The following FAM204A variants were observed in gnomAD, a reference collection of about 807,000 sequenced individuals.
FAM204A encodes the protein family with sequence similarity 204 member A.
FAM204A carries 16 observed loss-of-function variants against 35.4 expected under a neutral mutation model. The ratio of observed to expected loss-of-function variants is 0.45; its 90% CI spans 0.31 to 0.69. The LOEUF is 0.69. Among genes scored for constraint, FAM204A ranks in the 30% least tolerant of loss-of-function variants. FAM204A has a pLI of 0.07. For missense variants in FAM204A, 240 were observed against 265.7 expected, an observed-to-expected ratio of 0.90 and a Z score of 0.67; for synonymous variants, 76 against 86.9, an observed-to-expected ratio of 0.88 and a Z score of 0.70.
intron 6 of FAM204A, among the ~76,000 whole-genome samples, chr10:118,334,082 T>A (rs1846333150): frequency 6.6e-6 from 1 of 152,166 alleles, no homozygotes; most frequent in Admixed American, 6.5e-5. Flanking sequence ...AATAAGTGAG[T>A]TACTAATTCA....
chr10:118,328,911 T>C (rs1193006104), intron 6 of FAM204A, among the ~76,000 whole-genome samples: 2 of 152,212 alleles, frequency 1.3e-5, no homozygotes, highest in African/African-American at 4.8e-5. Context: ...TAATCTACTC[T>C]GTCCTGGAGC....
At chr10:118,333,851 C>A (rs566362496) in intron 6 of FAM204A, among the ~76,000 whole-genome samples, 1 of 152,028 alleles carries the variant, frequency 6.6e-6, no homozygotes, top group Non-Finnish European at 1.5e-5. Context: ...CAGTACCATG[C>A]AATGATGGAT....
At chr10:118,338,054 C>T (rs1226233497) in intron 2 of FAM204A, among the ~76,000 whole-genome samples, 1 of 152,144 alleles carries the variant, frequency 6.6e-6, no homozygotes, top group African/African-American at 2.4e-5. Flanking sequence ...AAAATGAGGG[C>T]AAATTACTAG....
intron 6 of FAM204A, chr10:118,326,460 A>C: frequency 2.1e-6 from 1 of 487,644 alleles, no homozygotes; most frequent in East Asian, 3.7e-5. Context: ...ACTAATAAAA[A>C]TAAGACGCAA....
At position 118,341,777 on chromosome 10, in the gene FAM204A, T is replaced by C. The variant is rs1482151754; in HGVS notation, c.-59A>G. On this transcript the variant is annotated 5_prime_UTR_variant, in exon 2 of 9. Transcript: ENST00000369183. ...GTCTAGAAAGGTACACCGTTCCTGC[T>C]TGGCTGCACAACCCGGAATTCTGCA... 2.0e-5 allele frequency: 3 copies of C among 152,200 alleles called. No individual in the cohort carries two copies. The highest frequency in any genetic ancestry group is 7.2e-5 in the African/African-American group (3 of 41,442). 9.4% of individuals were successfully genotyped at this position (152,200 alleles called of 1,614,324 possible).
chr10:118,314,023 G>A (rs1743331095), intron 7 of FAM204A, among the ~76,000 whole-genome samples: 1 of 152,124 alleles, frequency 6.6e-6, no homozygotes, highest in Non-Finnish European at 1.5e-5. Context: ...TAGTGCTCCA[G>A]CAATGCTAAG....
At chr10:118,327,731 G>A (rs1304593087) in intron 6 of FAM204A, among the ~76,000 whole-genome samples, 1 of 152,168 alleles carries the variant, frequency 6.6e-6, no homozygotes, top group Non-Finnish European at 1.5e-5. Context: ...GCCAATCCAT[G>A]AACTGTTTAT....
intron 2 of FAM204A, among the ~76,000 whole-genome samples, chr10:118,341,369 G>A (rs1846479664): frequency 6.6e-6 from 1 of 152,126 alleles, no homozygotes; most frequent in Non-Finnish European, 1.5e-5. Flanking sequence ...TTAACAATCT[G>A]AAGATTGTAA....
At chr10:118,331,758 T>C (rs1193066664) in intron 6 of FAM204A, among the ~76,000 whole-genome samples, 2 of 151,888 alleles carry the variant, frequency 1.3e-5, no homozygotes, top group African/African-American at 4.8e-5. Context: ...AGGCAATCTC[T>C]TCATAAAGAA....
At chr10:118,325,413 GTAGT>G (rs774509677) in intron 7 of FAM204A, among the ~76,000 whole-genome samples, 249 of 152,000 alleles carry the variant, frequency 1.6e-3, no homozygotes, top group Non-Finnish European at 2.8e-3. Flanking sequence ...ACACTATGGA[GTAGT>G]TAAAGTCTGA....
At chr10:118,339,644 C>T (rs1341487243) in intron 2 of FAM204A, among the ~76,000 whole-genome samples, 1 of 151,782 alleles carries the variant, frequency 6.6e-6, no homozygotes, top group East Asian at 1.9e-4. Flanking sequence ...TTTTTTTTAC[C>T]CTGCAACCCA....
intron 7 of FAM204A, among the ~76,000 whole-genome samples, chr10:118,325,593 C>T (rs1846185538): frequency 6.6e-6 from 1 of 152,080 alleles, no homozygotes; most frequent in African/African-American, 2.4e-5. Flanking sequence ...GGGGAATTTG[C>T]CCACACCCCA....
rs780870776 is a variant in FAM204A, at chr10:118,305,746, G to C, written c.*5111C>G. 3.3e-5 allele frequency: 5 copies of C among 152,192 alleles called. No homozygotes were observed. Among genetic ancestry groups the C allele is most frequent in the Non-Finnish European group, 5.9e-5 (4 of 68,036 alleles). The allele number at this position is 152,192 out of a possible 1,614,324, so 9.4% of individuals were successfully genotyped here. A position where few individuals can be genotyped will look rare whatever the true frequency, so the allele number is the denominator to read the frequency against. On this transcript the variant is annotated 3_prime_UTR_variant, in exon 9 of 9. Coordinates refer to ENST00000369183, the MANE Select transcript of FAM204A (RefSeq NM_022063.3). ...ATTTTGCTTATTCATCCTTGCATCT[G>C]CAAGAGTTAGTTTATCTGACATATA...
At chr10:118,336,558 T>G in intron 2 of FAM204A, 135 bp from the exon 3 acceptor site, 1 of 680,402 alleles carries the variant, frequency 1.5e-6, no homozygotes, top group Non-Finnish European at 2.3e-6. Flanking sequence ...TTTTTTTTAA[T>G]CTAAAATGGC....
At chr10:118,328,416 C>T (rs1158229372) in intron 6 of FAM204A, among the ~76,000 whole-genome samples, 5 of 151,878 alleles carry the variant, frequency 3.3e-5, no homozygotes, top group Non-Finnish European at 5.9e-5. Context: ...GCTGGAAATG[C>T]AAATTCTGTG....
At chr10:118,328,459 T>G (rs1174348002) in intron 6 of FAM204A, among the ~76,000 whole-genome samples, 2 of 151,862 alleles carry the variant, frequency 1.3e-5, no homozygotes. Context: ...CAGCAATCCA[T>G]ATGATTCTGA....
intron 2 of FAM204A, among the ~76,000 whole-genome samples, chr10:118,340,615 G>A (rs916758181): frequency 6.6e-6 from 1 of 152,176 alleles, no homozygotes; most frequent in African/African-American, 2.4e-5. Flanking sequence ...ACTCAGCCAA[G>A]AGGATGTTTT....
chr10:118,310,790 A>G lies in FAM204A; in HGVS notation c.*67T>C, dbSNP rs1473536602. On this transcript the variant is annotated 3_prime_UTR_variant, in exon 9 of 9. Transcript: ENST00000369183. Reference sequence around the variant, plus strand: ...TATCAATTTTCTGACATATTAACATAGGCAGGAAAACATTCTCAGTAAATT... The same window carrying G: ...TATCAATTTTCTGACATATTAACATGGGCAGGAAAACATTCTCAGTAAATT... The G allele has an allele frequency of 1.4e-5, 19 of 1,315,724 alleles. No homozygotes were observed. The Admixed American group carries it at 2.4e-4, about 17-fold the overall frequency. 81.5% of individuals were successfully genotyped at this position (1,315,724 alleles called of 1,614,324 possible). A position where few individuals can be genotyped will look rare whatever the true frequency, so the allele number is the denominator to read the frequency against.
chr10:118,303,363 C>T lies in FAM204A; in HGVS notation c.*7494G>A, dbSNP rs1212029358. On this transcript the variant is annotated 3_prime_UTR_variant, in exon 9 of 9. Transcript: ENST00000369183. ...AAAAATTTACAGAACAATAACAGTACTTCTAAGGCTTATATTCTCAGTCAT... is the reference window on the plus strand; with the variant it reads ...AAAAATTTACAGAACAATAACAGTATTTCTAAGGCTTATATTCTCAGTCAT... 1.3e-5 allele frequency: 2 copies of T among 152,176 alleles called. No homozygotes were observed. Among genetic ancestry groups the T allele is most frequent in the Non-Finnish European group, 2.9e-5 (2 of 68,046 alleles). The allele number at this position is 152,176 out of a possible 1,614,324, so 9.4% of individuals were successfully genotyped here.
Sources: allele counts gnomAD v4.1 joint callset (sites outside exome capture counted in the v4.1 genomes callset), GRCh38; gene constraint gnomAD v4.1.1; transcripts MANE v1.5; gene names NCBI Gene and HGNC (gene_info 2026-07-23, HGNC 2026-07-21).